Variants in ADCY1 observed in about 807,000 individuals in gnomAD.
The protein encoded by ADCY1 is adenylate cyclase type 1.
In ADCY1, 28 loss-of-function variants were observed where a neutral mutation model predicts 105.4. The observed-to-expected ratio is 0.27, with a 90% CI of 0.20 to 0.36. The LOEUF is 0.36. Ranked by LOEUF, ADCY1 falls within the 10% of genes least tolerant of loss-of-function variation. ADCY1 has a pLI of 1.00. For synonymous variants in ADCY1, 655 were observed against 623.8 expected, an observed-to-expected ratio of 1.05 and a Z score of -0.75; for missense variants, 977 against 1,434.2, an observed-to-expected ratio of 0.68 and a Z score of 5.15.
At chr7:45,622,376 G>A (rs1793924528) in intron 3 of ADCY1, among the ~76,000 whole-genome samples, 1 of 152,158 alleles carries the variant, frequency 6.6e-6, no homozygotes, top group South Asian at 2.1e-4. Context: ...GGGTCAGCAT[G>A]GGGGATGGCG....
rs1330026967 is a variant in ADCY1, at chr7:45,686,619, G to A, written c.2400G>A (p.Leu800=). 6.2e-7 allele frequency: 1 copy of A among 1,613,414 alleles called. No individual in the cohort carries two copies. The highest frequency in any genetic ancestry group is 8.5e-7 in the Non-Finnish European group (1 of 1,179,484). The change falls in exon 14 of 20, where the codon CTG becomes CTA. Residue 800 remains leucine, a synonymous_variant. Coordinates refer to ENST00000297323, the MANE Select transcript of ADCY1 (RefSeq NM_021116.4). The surrounding 1 kb of genome is among the most constrained non-coding windows in gnomAD (Gnocchi z 4.3). ...AILLFSCALA[L]HARQVDIRLR... is the part of the protein sequence containing the mutation. ...TGCTCTTCTCCTGTGCGCTGGCCCTGCATGCCAGGCAGGTGGACATCAGGC... is the reference window on the plus strand; with the variant it reads ...TGCTCTTCTCCTGTGCGCTGGCCCTACATGCCAGGCAGGTGGACATCAGGC...
intron 4 of ADCY1, among the ~76,000 whole-genome samples, chr7:45,635,284 T>C (rs1206383631): frequency 1.3e-5 from 2 of 152,014 alleles, no homozygotes; most frequent in Non-Finnish European, 2.9e-5. Context: ...TCATTTTGGC[T>C]ACAAGTTTAT....
intron 7 of ADCY1, among the ~76,000 whole-genome samples, chr7:45,660,485 A>G (rs888484919): frequency 2.0e-5 from 3 of 152,204 alleles, no homozygotes; most frequent in African/African-American, 7.2e-5. Context: ...CAAAGTGGGC[A>G]TGAAACCCCG....
intron 8 of ADCY1, among the ~76,000 whole-genome samples, chr7:45,673,334 G>A (rs1029318886): frequency 5.3e-5 from 8 of 152,014 alleles, no homozygotes; most frequent in Non-Finnish European, 1.0e-4. Flanking sequence ...TCTATTTTCT[G>A]GAAGAGATTG....
chr7:45,685,017 C>A lies in ADCY1; in HGVS notation c.2022C>A (p.Val674=), dbSNP rs762565314. 3.7e-6 allele frequency: 6 copies of A among 1,614,096 alleles called. No homozygotes were observed. The highest frequency in any genetic ancestry group is 5.1e-6 in the Non-Finnish European group (6 of 1,180,028). The change falls in exon 12 of 20, where the codon GTC becomes GTA. Residue 674 remains valine, a synonymous_variant. Coordinates refer to ENST00000297323, the MANE Select transcript of ADCY1 (RefSeq NM_021116.4). ...PGCLTIQIRT[V]LCIFIVVLIY... The stretch of plus-strand genomic sequence containing the variant: ...GCCTGACGATTCAGATTCGCACTGT[C>A]CTGTGTATTTTCATAGTGGTCTTAA...
chr7:45,658,988 C>T (rs954164402), intron 6 of ADCY1, among the ~76,000 whole-genome samples: 10 of 152,220 alleles, frequency 6.6e-5, no homozygotes, highest in South Asian at 4.1e-4. Context: ...TGACAGGAAT[C>T]GGCCCCTGTA....
chr7:45,636,284 C>T (rs369686767), intron 4 of ADCY1, among the ~76,000 whole-genome samples: 1 of 152,338 alleles, frequency 6.6e-6, no homozygotes, highest in African/African-American at 2.4e-5. Context: ...CCTTTATACA[C>T]ATCCTCCTCT....
chr7:45,626,755 C>T (rs1377580926), intron 4 of ADCY1, among the ~76,000 whole-genome samples: 1 of 152,216 alleles, frequency 6.6e-6, no homozygotes, highest in East Asian at 1.9e-4. Context: ...TCCATTTGGG[C>T]ATGAAGCCCT....
Position 45,686,680 on chromosome 7 carries a change from C to T in ADCY1, c.2454+7C>T, listed in dbSNP as rs548777522. 131 of 1,591,088 alleles carry T rather than the reference C, an allele frequency of 8.2e-5. 3 individuals carry two copies. The Middle Eastern group carries it at 4.2e-3, about 51-fold the overall frequency. On this transcript the variant is annotated splice_region_variant and intron_variant, in intron 14 of 19. Coordinates refer to ENST00000297323, the MANE Select transcript of ADCY1 (RefSeq NM_021116.4). This position sits in a 1 kb window ranked among gnomAD's most constrained non-coding sequence, Gnocchi z 4.3. ...CTACCTCTGGGCCGCACAGGCAAGACGAGCCCTTTCTGCTTTCTGGGGGTG... is the reference window on the plus strand; with the variant it reads ...CTACCTCTGGGCCGCACAGGCAAGATGAGCCCTTTCTGCTTTCTGGGGGTG...
At chr7:45,700,204 G>A (rs1320240722) in intron 14 of ADCY1, among the ~76,000 whole-genome samples, 1 of 152,162 alleles carries the variant, frequency 6.6e-6, no homozygotes, top group African/African-American at 2.4e-5. Context: ...ACCCTGCCCA[G>A]CCTGCCCAGC....
At chr7:45,645,613 G>A (rs900611670) in intron 4 of ADCY1, among the ~76,000 whole-genome samples, 1 of 152,164 alleles carries the variant, frequency 6.6e-6, no homozygotes, top group Non-Finnish European at 1.5e-5. Context: ...GACTCACAGA[G>A]ATGACCAGGA....
intron 3 of ADCY1, among the ~76,000 whole-genome samples, chr7:45,620,133 G>A (rs1186658778): frequency 6.6e-6 from 1 of 152,124 alleles, no homozygotes; most frequent in Non-Finnish European, 1.5e-5. Context: ...AGTGAAATAA[G>A]TCAGTTACAT....
intron 19 of ADCY1, among the ~76,000 whole-genome samples, chr7:45,711,729 ATG>A (rs1364330949): frequency 7.0e-6 from 1 of 143,092 alleles, no homozygotes; most frequent in Non-Finnish European, 1.5e-5. Flanking sequence ...ATATACATAT[ATG>A]TGTGTATATA....
chr7:45,675,203 A>G (rs1584323574), intron 8 of ADCY1, among the ~76,000 whole-genome samples: 1 of 152,046 alleles, frequency 6.6e-6, no homozygotes, highest in African/African-American at 2.4e-5. Flanking sequence ...TGTTGCATAC[A>G]ATTTTTTGTA....
intron 2 of ADCY1, among the ~76,000 whole-genome samples, chr7:45,597,756 G>A (rs796548407): frequency 3.9e-5 from 6 of 152,292 alleles, no homozygotes; most frequent in African/African-American, 9.6e-5. Context: ...CTCTCCTCCC[G>A]TCCACCTTCT....
At chr7:45,696,438 CAAAAAAAAAAAA>C (rs11365338) in intron 14 of ADCY1, among the ~76,000 whole-genome samples, 14 of 73,928 alleles carry the variant, frequency 1.9e-4, no homozygotes, top group African/African-American at 7.4e-4. Context: ...TACTCCATCT[CAAAAAAAAAAAA>C]AAAAAAAAAA....
In ADCY1 at chr7:45,672,193, A is replaced by G. The variant is rs1307224877; in HGVS notation, c.1606-5676A>G. ...GGTTTCTCCAGCACCATTTGTTGAT[A>G]AGCTATCCTTCCTCCATTGAATTGC... On this transcript the variant is annotated intron_variant, in intron 8 of 19. Coordinates refer to ENST00000297323, the MANE Select transcript of ADCY1 (RefSeq NM_021116.4). Among the ~76,000 whole-genome samples the G allele has an allele frequency of 2.0e-5, 3 of 152,148 alleles. No individual in the cohort carries two copies. In the East Asian group the frequency reaches 5.8e-4, roughly 29 times the overall value.
At chr7:45,685,633 C>T (rs764174453) in intron 12 of ADCY1, among the ~76,000 whole-genome samples, 5 of 137,306 alleles carry the variant, frequency 3.6e-5, no homozygotes, top group South Asian at 2.4e-4. Flanking sequence ...AGGACAGAGC[C>T]GGGGGCAGGA....
intron 8 of ADCY1, among the ~76,000 whole-genome samples, chr7:45,667,754 A>T: frequency 6.6e-6 from 1 of 152,190 alleles, no homozygotes; most frequent in Non-Finnish European, 1.5e-5. Flanking sequence ...AATTCTTCCT[A>T]TCCGTGAGCA....
Sources: allele counts gnomAD v4.1 joint callset (sites outside exome capture counted in the v4.1 genomes callset), GRCh38; gene constraint gnomAD v4.1.1; non-coding constraint Gnocchi (gnomAD v3.1); transcripts MANE v1.5; gene names NCBI Gene and HGNC (gene_info 2026-07-23, HGNC 2026-07-21).